Variants in MROH2B observed in about 807,000 individuals in gnomAD.
The protein encoded by MROH2B is maestro heat like repeat family member 2B, also known as maestro heat-like repeat-containing protein family member 2B.
MROH2B carries 177 observed loss-of-function variants against 208.6 expected under a neutral mutation model. The observed-to-expected ratio is 0.85, with a 90% CI of 0.75 to 0.96. MROH2B has a LOEUF of 0.96. Ranked by LOEUF, MROH2B falls within the 40% of genes least tolerant of loss-of-function variation. The probability of loss-of-function intolerance (pLI) is 0.00; values close to 1 mark genes in which losing one functional copy is unlikely to be tolerated. For missense variants in MROH2B, 2,002 were observed against 1,878.7 expected (o/e 1.07, Z -1.21); for synonymous variants, 728 against 659.0 (o/e 1.10, Z -1.60).
Position 41,015,457 on chromosome 5 carries a change from C to A in MROH2B, c.2906G>T (p.Arg969Ile), listed in dbSNP as rs1741908713. ...CAGCCCTTCCTGCAAACCCTGCAGT[C>A]TTTCCACTTCCAAGTGAATGCCTAA... ...YIKGIHLEVE[R>I]LQGLQEGLES... Residue 969 changes from arginine (R) to isoleucine (I), a missense_variant, in exon 29 of 42, where the codon AGA becomes ATA. Transcript: ENST00000399564. 1 of 1,613,404 alleles carries A rather than the reference C, an allele frequency of 6.2e-7. No homozygotes were observed. The highest frequency in any genetic ancestry group is 1.3e-5 in the African/African-American group (1 of 74,910).
chr5:41,048,331 AG>A lies in MROH2B; in HGVS notation c.1676del (p.Pro559LeufsTer36), dbSNP rs1444156623. 1 of 1,612,666 alleles carries A rather than the reference AG, an allele frequency of 6.2e-7. No individual in the cohort carries two copies. The highest frequency in any genetic ancestry group is 1.3e-5 in the African/African-American group (1 of 74,952). The stretch of plus-strand genomic sequence containing the variant: ...GGCCCCAATCCCTTGTACCTTCCAG[AG>A]GCTGCAGAAGCTCAGGTAAACGTGT... Reference protein sequence around the residue: ...WKTRLPELLQPLEGKNISTVL... With the variant: ...WKTRLPELLQXLEGKNISTVL... On this transcript the variant is annotated frameshift_variant, in exon 16 of 42. Coordinates refer to ENST00000399564, the MANE Select transcript of MROH2B (RefSeq NM_173489.5). LOFTEE classifies it high-confidence loss of function.
intron 19 of MROH2B, among the ~76,000 whole-genome samples, chr5:41,040,939 A>G (rs1483033986): frequency 6.6e-6 from 1 of 152,132 alleles, no homozygotes; most frequent in African/African-American, 2.4e-5. Flanking sequence ...TGCTGGGATT[A>G]CAGTTGTGAA....
Sources: allele counts gnomAD v4.1 joint callset (sites outside exome capture counted in the v4.1 genomes callset), GRCh38; gene constraint gnomAD v4.1.1; transcripts MANE v1.5; gene names NCBI Gene and HGNC (gene_info 2026-07-23, HGNC 2026-07-21).